GSE1: variants seen among roughly 807,000 people sequenced by gnomAD.
GSE1 encodes genetic suppressor element 1.
GSE1 carries 32 observed loss-of-function variants against 112.6 expected under a neutral mutation model. The observed-to-expected ratio is 0.28, with a 90% CI of 0.21 to 0.38. GSE1 has a LOEUF of 0.38. Ranked by LOEUF, GSE1 falls within the 10% of genes least tolerant of loss-of-function variation. The pLI is 1.00. For missense variants in GSE1, 2,348 were observed against 1,699.2 expected, an observed-to-expected ratio of 1.38 and a Z score of -6.71; for synonymous variants, 1,115 against 735.6, an observed-to-expected ratio of 1.52 and a Z score of -8.35.
intron 2 of GSE1, among the ~76,000 whole-genome samples, chr16:85,487,714 G>C (rs538800346): frequency 1.0e-3 from 154 of 152,294 alleles, no homozygotes; most frequent in African/African-American, 3.6e-3. Context: ...CTTGGGGCCA[G>C]GGCTGTGCCC....
At chr16:85,617,687 G>A (rs769199948) in intron 1 of GSE1, among the ~76,000 whole-genome samples, 5 of 143,568 alleles carry the variant, frequency 3.5e-5, no homozygotes, top group Admixed American at 2.2e-4. Flanking sequence ...TCACCTAGGG[G>A]CCAGGGTGGG....
intron 15 of GSE1, among the ~76,000 whole-genome samples, chr16:85,671,439 C>CAAAAAAAAAAAAAAAA (rs1159665909): frequency 9.8e-4 from 60 of 61,270 alleles, no homozygotes; most frequent in African/African-American, 3.8e-3. Flanking sequence ...GACTCCGTCT[C>CAAAAAAAAAAAAAAAA]AAAAAAAAAA....
In GSE1 at chr16:85,673,366, A is replaced by ATTACT. The variant is rs2053491559; in HGVS notation, c.*831_*835dup. ...AAAAAACAAAGTTTTGTATGTTTTT[A>ATTACT]TTACTTTAACTATTGTTATAAAAAG... is the stretch of plus-strand genomic sequence containing the variant. On this transcript the variant is annotated 3_prime_UTR_variant, in exon 16 of 16. Transcript: ENST00000253458. 1 of 150,960 alleles carries ATTACT rather than the reference A, an allele frequency of 6.6e-6. No homozygotes were observed. The highest frequency in any genetic ancestry group is 2.1e-4 in the South Asian group (1 of 4,798). 9.4% of individuals were successfully genotyped at this position (150,960 alleles called of 1,614,324 possible).
chr16:85,315,323 A>C (rs557915647), intron 1 of GSE1, among the ~76,000 whole-genome samples: 1 of 152,284 alleles, frequency 6.6e-6, no homozygotes, highest in South Asian at 2.1e-4. Context: ...TCCTGCACGC[A>C]CATCAGATTG....
At chr16:85,221,503 C>T (rs551461224) in intron 1 of GSE1, among the ~76,000 whole-genome samples, 1 of 152,244 alleles carries the variant, frequency 6.6e-6, no homozygotes, top group African/African-American at 2.4e-5. Flanking sequence ...CAGGGTACGC[C>T]ACATCCCTAT....
chr16:85,467,680 A>G (rs1046454767), intron 2 of GSE1, among the ~76,000 whole-genome samples: 4 of 152,200 alleles, frequency 2.6e-5, no homozygotes, highest in African/African-American at 9.7e-5. Context: ...TTCCTGACCT[A>G]GCCAAAGGGA....
chr16:85,408,024 A>G lies in GSE1; in HGVS notation c.2464+50381A>G, dbSNP rs561190017. Reference sequence around the variant, plus strand: ...CCCCCTGGATAATCCTCACTGTTACACTCAGGGCCCCCCTGGATAATCCTG... The same window carrying G: ...CCCCCTGGATAATCCTCACTGTTACGCTCAGGGCCCCCCTGGATAATCCTG... On this transcript the variant is annotated intron_variant, in intron 2 of 2. Transcript: ENST00000637419. Among the ~76,000 whole-genome samples, 46 of 46,756 alleles carry G rather than the reference A, an allele frequency of 9.8e-4. 16 individuals are homozygous for G. The highest frequency in any genetic ancestry group is 5.1e-3 in the African/African-American group (44 of 8,658). 30.7% of individuals were successfully genotyped at this position (46,756 alleles called of 152,430 possible). A position where few individuals can be genotyped will look rare whatever the true frequency, so the allele number is the denominator to read the frequency against.
At chr16:85,255,552 C>A (rs1328451290) in intron 1 of GSE1, among the ~76,000 whole-genome samples, 2 of 152,014 alleles carry the variant, frequency 1.3e-5, no homozygotes, top group African/African-American at 4.8e-5. Context: ...GCTGGGATTA[C>A]AGGCGCCCAC....
intron 1 of GSE1, chr16:85,171,889 A>T (rs1353230177): frequency 1.3e-6 from 1 of 796,704 alleles, no homozygotes; most frequent in Admixed American, 6.2e-5. Context: ...TGTTCCTCAG[A>T]AAAACTCTGA....
At chr16:85,350,595 C>G (rs542132381) in intron 1 of GSE1, among the ~76,000 whole-genome samples, 1 of 152,140 alleles carries the variant, frequency 6.6e-6, no homozygotes, top group Non-Finnish European at 1.5e-5. Context: ...CCAGCACACA[C>G]CCCTTCAAGC....
chr16:85,313,724 G>A (rs953249596), intron 1 of GSE1, among the ~76,000 whole-genome samples: 7 of 152,218 alleles, frequency 4.6e-5, no homozygotes, highest in South Asian at 2.1e-4. Context: ...AGAGCTGTCC[G>A]GGAGCCTCTG....
chr16:85,239,309 C>G (rs537194804), intron 1 of GSE1, among the ~76,000 whole-genome samples: 1 of 152,330 alleles, frequency 6.6e-6, no homozygotes, highest in Admixed American at 6.5e-5. Context: ...TTTAAAGACC[C>G]TCCTAGTGCA....
At chr16:85,320,669 A>G (rs1044026634) in intron 1 of GSE1, among the ~76,000 whole-genome samples, 2 of 152,030 alleles carry the variant, frequency 1.3e-5, no homozygotes, top group African/African-American at 4.8e-5. Context: ...CCAAGACCGT[A>G]TTTCAAAAAA....
chr16:85,378,617 A>G (rs2047475570), intron 2 of GSE1, among the ~76,000 whole-genome samples: 1 of 152,146 alleles, frequency 6.6e-6, no homozygotes, highest in South Asian at 2.1e-4. Context: ...GATTTTTTGA[A>G]TCCTCCCATG....
At chr16:85,222,574 C>T (rs2075412700) in intron 1 of GSE1, among the ~76,000 whole-genome samples, 1 of 152,212 alleles carries the variant, frequency 6.6e-6, no homozygotes, top group African/African-American at 2.4e-5. Flanking sequence ...CCAGTTCCCA[C>T]CCCCAGCAGC....
At chr16:85,671,510 G>C (rs548349794) in intron 15 of GSE1, among the ~76,000 whole-genome samples, 11 of 151,186 alleles carry the variant, frequency 7.3e-5, no homozygotes, top group African/African-American at 2.4e-4. Context: ...CCAGCACTTT[G>C]GGAGGCTGAG....
chr16:85,621,363 C>T (rs1299253122), intron 1 of GSE1, among the ~76,000 whole-genome samples: 1 of 152,252 alleles, frequency 6.6e-6, no homozygotes, highest in Admixed American at 6.5e-5. Context: ...TTTGTGTCCA[C>T]CGCCCCCCGT....
chr16:85,555,316 C>T, upstream of GSE1: 1 of 985,134 alleles, frequency 1.0e-6, no homozygotes, highest in African/African-American at 1.7e-5. Flanking sequence ...AGAGCCCCCG[C>T]GAGTTCTTTC....
intron 2 of GSE1, among the ~76,000 whole-genome samples, chr16:85,402,509 CAG>C (rs1392814150): frequency 1.3e-5 from 2 of 152,170 alleles, no homozygotes; most frequent in Non-Finnish European, 1.5e-5. Flanking sequence ...AGAGTGGACC[CAG>C]AGAGAGTGGC....
Sources: gnomAD v4.1 joint callset for allele counts (sites outside exome capture counted in the v4.1 genomes callset) on GRCh38, gnomAD v4.1.1 for gene constraint, MANE v1.5 for transcripts, NCBI Gene and HGNC (gene_info 2026-07-23, HGNC 2026-07-21) for gene names.